ADGRL3: variants seen among roughly 807,000 people sequenced by gnomAD.
The protein encoded by ADGRL3 is adhesion G protein-coupled receptor L3, also known as calcium-independent alpha-latrotoxin receptor 3.
A neutral mutation model predicts 153.5 loss-of-function variants in ADGRL3; 62 were observed. The ratio of observed to expected loss-of-function variants is 0.40; its 90% CI spans 0.33 to 0.50. The LOEUF (loss-of-function observed/expected upper bound fraction) is 0.50, where lower values mean the gene tolerates loss of function less well. ADGRL3 is among the 20% of genes least tolerant of loss of function. The pLI, the probability that ADGRL3 is intolerant of heterozygous loss-of-function variation, is 0.47. For synonymous variants in ADGRL3, 710 were observed against 672.5 expected (o/e 1.06, Z -0.86); for missense variants, 1,641 against 1,859.4 (o/e 0.88, Z 2.16).
intron 4 of ADGRL3, among the ~76,000 whole-genome samples, chr4:61,575,794 T>C (rs935769710): frequency 6.6e-6 from 1 of 152,052 alleles, no homozygotes; most frequent in African/African-American, 2.4e-5. Flanking sequence ...TTTAATGAAT[T>C]GAGGAAACAT....
chr4:61,883,757 A>G (rs182818773), intron 9 of ADGRL3, among the ~76,000 whole-genome samples: 2 of 152,230 alleles, frequency 1.3e-5, no homozygotes, highest in East Asian at 3.9e-4. Flanking sequence ...TTAAATTGAC[A>G]GATTTTTTTT....
chr4:61,902,026 G>T (rs577901804), intron 11 of ADGRL3, among the ~76,000 whole-genome samples: 2 of 152,088 alleles, frequency 1.3e-5, no homozygotes, highest in African/African-American at 2.4e-5. Flanking sequence ...AAAACTTGAG[G>T]CACATTCAAC....
At chr4:61,212,032 C>T (rs905316953) in intron 1 of ADGRL3, 2 of 152,006 alleles carry the variant, frequency 1.3e-5, no homozygotes, top group Non-Finnish European at 2.9e-5. Context: ...GAACAAAATC[C>T]CCAAGATGTG....
intron 1 of ADGRL3, among the ~76,000 whole-genome samples, chr4:61,279,133 A>G (rs1192882200): frequency 6.6e-6 from 1 of 152,188 alleles, no homozygotes; most frequent in Non-Finnish European, 1.5e-5. Flanking sequence ...ATTATGTGAT[A>G]ATGGAAGTTG....
At chr4:61,300,220 A>G (rs2094536648) in intron 1 of ADGRL3, among the ~76,000 whole-genome samples, 1 of 152,214 alleles carries the variant, frequency 6.6e-6, no homozygotes, top group South Asian at 2.1e-4. Flanking sequence ...GTTTCAATAC[A>G]AATGTGTCTA....
intron 1 of ADGRL3, among the ~76,000 whole-genome samples, chr4:61,230,664 TG>T (rs1750224250): frequency 1.3e-5 from 2 of 152,116 alleles, no homozygotes; most frequent in African/African-American, 4.8e-5. Flanking sequence ...GAATTACAAG[TG>T]TGAGCCACTG....
intron 8 of ADGRL3, among the ~76,000 whole-genome samples, chr4:61,813,248 G>T (rs2097650667): frequency 6.6e-6 from 1 of 152,106 alleles, no homozygotes; most frequent in Non-Finnish European, 1.5e-5. Context: ...TAAAATATTA[G>T]ATGGGCGTGG....
chr4:61,876,373 C>A (rs1341404808), intron 9 of ADGRL3, among the ~76,000 whole-genome samples: 1 of 151,752 alleles, frequency 6.6e-6, no homozygotes, highest in Admixed American at 6.6e-5. Context: ...AACTGATACT[C>A]ATAAAGAACT....
chr4:61,857,783 C>T (rs1158002533), intron 9 of ADGRL3, among the ~76,000 whole-genome samples: 1 of 151,748 alleles, frequency 6.6e-6, no homozygotes, highest in East Asian at 1.9e-4. Context: ...AGCTGAAGTG[C>T]AGTGGTGCAT....
At chr4:61,392,683 T>TAAAAAAAAAA (rs2096823997) in intron 2 of ADGRL3, among the ~76,000 whole-genome samples, 1 of 1,634 alleles carries the variant, frequency 6.1e-4, no homozygotes, top group Non-Finnish European at 0.012. Context: ...AGACTCCATC[T>TAAAAAAAAAA]CAAAAAAAAA....
rs185872710 is a variant in ADGRL3, at chr4:61,217,551, T to A, written c.-240+15786T>A. On this transcript the variant is annotated intron_variant, in intron 1 of 26. Transcript: ENST00000683033. Reference sequence around the variant, plus strand: ...AGAGAAAGTGAGTTAACGTAGAGAATGTTTTAATATCACTTGTCTAGCTTT... The same window carrying A: ...AGAGAAAGTGAGTTAACGTAGAGAAAGTTTTAATATCACTTGTCTAGCTTT... Among the ~76,000 whole-genome samples the A allele has an allele frequency of 3.3e-5, 5 of 152,314 alleles. No homozygotes were observed. The East Asian group carries it at 9.7e-4, about 29-fold the overall frequency.
Position 61,997,930 on chromosome 4 carries a change from C to A in ADGRL3, c.3304-244C>A, listed in dbSNP as rs543839799. ...TTCCACAGCATCACTCCAGCTGATG[C>A]TGATTTTATATTTGTGTGATTTGGC... On this transcript the variant is annotated intron_variant, in intron 20 of 26. Coordinates refer to ENST00000683033, the MANE Select transcript of ADGRL3 (RefSeq NM_001387552.1). Among the ~76,000 whole-genome samples, 19 of 152,260 alleles carry A rather than the reference C, an allele frequency of 1.2e-4. No homozygotes were observed. In the South Asian group the frequency reaches 3.7e-3, roughly 30 times the overall value.
At chr4:61,262,942 C>T (rs1454414189) in intron 1 of ADGRL3, among the ~76,000 whole-genome samples, 2 of 152,086 alleles carry the variant, frequency 1.3e-5, no homozygotes, top group Non-Finnish European at 2.9e-5. Context: ...TCTTATCTCT[C>T]AAGTGGTAGT....
Position 61,909,570 on chromosome 4 carries a change from G to A in ADGRL3, c.1898G>A (p.Gly633Asp), listed in dbSNP as rs1485151383. The part of the protein sequence containing the change: ...VNHITQKLKS[G>D]ETAANIAREL... Reference sequence around the variant, plus strand: ...ATTTAAAAATTATAGTTGAAATCTGGTGAAACAGCTGCCAACATTGCTAGA... The same window carrying A: ...ATTTAAAAATTATAGTTGAAATCTGATGAAACAGCTGCCAACATTGCTAGA... The change falls in exon 12 of 27, where the codon GGT becomes GAT. Residue 633 changes from glycine to aspartate, a missense_variant. Physicochemically the swap from Gly to Asp is moderately conservative, Grantham distance 94 (BLOSUM62 -1). Coordinates refer to ENST00000683033, the MANE Select transcript of ADGRL3 (RefSeq NM_001387552.1). 9.3e-6 allele frequency: 15 copies of A among 1,610,726 alleles called. No individual in the cohort carries two copies. Among genetic ancestry groups the A allele is most frequent in the Admixed American group, 1.7e-5 (1 of 59,582 alleles).
intron 1 of ADGRL3, among the ~76,000 whole-genome samples, chr4:61,344,253 T>C (rs1451134984): frequency 6.6e-6 from 1 of 152,138 alleles, no homozygotes; most frequent in Non-Finnish European, 1.5e-5. Context: ...GAATGAAAAG[T>C]AGATACATTT....
chr4:61,475,776 A>G (rs2098039528), intron 2 of ADGRL3, among the ~76,000 whole-genome samples: 1 of 152,206 alleles, frequency 6.6e-6, no homozygotes, highest in Non-Finnish European at 1.5e-5. Flanking sequence ...AAATTATATT[A>G]CTTCATAGAT....
At chr4:61,541,272 G>T (rs2098688728) in intron 4 of ADGRL3, among the ~76,000 whole-genome samples, 1 of 151,754 alleles carries the variant, frequency 6.6e-6, no homozygotes, top group Admixed American at 6.6e-5. Flanking sequence ...AACCTGTACA[G>T]CAGGTGAGAA....
rs937572061 is a variant in ADGRL3 at position 62,039,579 on chromosome 4, CAGA to C, written c.3717+1728_3717+1730del. Among the ~76,000 whole-genome samples, 8 of 152,146 alleles carry C rather than the reference CAGA, an allele frequency of 5.3e-5. No individual in the cohort carries two copies. The East Asian group carries it at 1.5e-3, about 29-fold the overall frequency. Reference sequence around the variant, plus strand: ...ACACTGAGGTTGTAAAGTTGCAAATCAGAAGAACAATTGTCCCAACTCAGATGG... The same window carrying C: ...ACACTGAGGTTGTAAAGTTGCAAATCAGAACAATTGTCCCAACTCAGATGG... On this transcript the variant is annotated intron_variant, in intron 24 of 26. Transcript: ENST00000683033.
intron 2 of ADGRL3, among the ~76,000 whole-genome samples, chr4:61,480,643 C>G (rs578009199): frequency 6.6e-6 from 1 of 151,712 alleles, no homozygotes; most frequent in Non-Finnish European, 1.5e-5. Context: ...ATTAGCTGGG[C>G]GGGGTTTCGG....
Sources: allele counts gnomAD v4.1 joint callset (sites outside exome capture counted in the v4.1 genomes callset), GRCh38; gene constraint gnomAD v4.1.1; transcripts MANE v1.5; gene names NCBI Gene and HGNC (gene_info 2026-07-23, HGNC 2026-07-21).